IPP: variants seen among roughly 807,000 people sequenced by gnomAD.
The protein encoded by IPP is intracisternal A particle-promoted polypeptide, also known as actin-binding protein IPP.
Under a neutral mutation model 64.1 loss-of-function variants are expected in IPP, and 41 were observed. The ratio of observed to expected loss-of-function variants is 0.64; its 90% confidence interval spans 0.50 to 0.83. IPP has a LOEUF of 0.83. Ranked by LOEUF, IPP falls within the 40% of genes least tolerant of loss-of-function variation. IPP has a pLI of 0.00. For synonymous variants in IPP, 214 were observed against 235.2 expected (o/e 0.91, Z 0.83); for missense variants, 649 against 703.0 (o/e 0.92, Z 0.87).
At chr1:45,749,525 G>GTTTT (rs779346516) in intron 1 of IPP, among the ~76,000 whole-genome samples, 41 of 107,062 alleles carry the variant, frequency 3.8e-4, no homozygotes, top group South Asian at 3.5e-4. Context: ...TTTGTTTTTT[G>GTTTT]TTTTTTTTTT....
At chr1:45,724,591 C>A (rs1345032186) in intron 5 of IPP, among the ~76,000 whole-genome samples, 4 of 150,036 alleles carry the variant, frequency 2.7e-5, no homozygotes, top group African/African-American at 7.4e-5. Context: ...TCTGCCCGGC[C>A]GCCCATCGTC....
chr1:45,725,916 T>A (rs1161569100), intron 5 of IPP, among the ~76,000 whole-genome samples: 2 of 132,942 alleles, frequency 1.5e-5, no homozygotes, highest in East Asian at 4.2e-4. Context: ...TCATCACCAC[T>A]CCCTAATCTC....
At chr1:45,746,579 AC>A in intron 1 of IPP, 118 bp from the exon 2 acceptor site, 2 of 565,308 alleles carry the variant, frequency 3.5e-6, no homozygotes, top group Non-Finnish European at 3.1e-6. Context: ...ACAAATAAGG[AC>A]TAAAGTGTGG....
chr1:45,745,234 C>T (rs1387554965), intron 2 of IPP, among the ~76,000 whole-genome samples: 2 of 152,030 alleles, frequency 1.3e-5, no homozygotes, highest in African/African-American at 4.8e-5. Context: ...TCTTCAAAAA[C>T]ATTTAAGAGA....
intron 8 of IPP, among the ~76,000 whole-genome samples, chr1:45,702,207 G>C (rs918855308): frequency 4.6e-5 from 7 of 151,536 alleles, no homozygotes; most frequent in Non-Finnish European, 7.4e-5. Context: ...TTCTACCAGT[G>C]TATTAGAACT....
rs1465611483 is a variant in IPP, at chr1:45,741,203, C to G, written c.422G>C (p.Gly141Ala). Reference sequence around the variant, plus strand: ...AATTTGCTCAGAGAACTGAAAAATTCCAATGCAGTTCAGTGGATCAATTTG... The same window carrying G: ...AATTTGCTCAGAGAACTGAAAAATTGCAATGCAGTTCAGTGGATCAATTTG... ...KGQIDPLNCI[G>A]IFQFSEQIAC... The change falls in exon 3 of 9, where the codon GGA (glycine) becomes GCA (alanine). Residue 141 changes from glycine to alanine, a missense_variant. Physicochemically the swap from Gly to Ala is moderately conservative, Grantham distance 60. Coordinates refer to ENST00000396478, the MANE Select transcript of IPP (RefSeq NM_005897.3). The G allele has an allele frequency of 1.9e-6, 3 of 1,614,020 alleles. No homozygotes were observed. The highest frequency in any genetic ancestry group is 3.3e-5 in the Admixed American group (2 of 60,004).
rs2148585778 is a variant in IPP at position 45,746,171 on chromosome 1, G to A, written c.241C>T (p.Leu81=). The A allele has an allele frequency of 2.5e-6, 4 of 1,613,992 alleles. 1 individual carries two copies. The highest frequency in any genetic ancestry group is 3.3e-4 in the Middle Eastern group (2 of 6,062). ...KESSKDVVPI[L]GIEAGIFQIL... ...TGAAAGATTCCTGCTTCAATTCCTAGAATCGGTACAACATCTTTTGAGGAC... is the reference window on the plus strand; with the variant it reads ...TGAAAGATTCCTGCTTCAATTCCTAAAATCGGTACAACATCTTTTGAGGAC... Residue 81 remains leucine (L), a synonymous_variant, in exon 2 of 9, where the codon CTA becomes TTA. Coordinates refer to ENST00000396478, the MANE Select transcript of IPP (RefSeq NM_005897.3).
chr1:45,709,611 G>A (rs536924805), intron 8 of IPP, among the ~76,000 whole-genome samples: 1 of 149,436 alleles, frequency 6.7e-6, no homozygotes, highest in Non-Finnish European at 1.5e-5. Context: ...TTGGGAGGCT[G>A]AGGAGGGCAG....
chr1:45,716,651 T>C (rs1645663246), intron 7 of IPP, among the ~76,000 whole-genome samples: 1 of 152,246 alleles, frequency 6.6e-6, no homozygotes, highest in Non-Finnish European at 1.5e-5. Flanking sequence ...GCTAGTCAGA[T>C]ATTCCTGCTT....
intron 2 of IPP, among the ~76,000 whole-genome samples, chr1:45,745,701 T>TAAAAAA (rs756055700): frequency 2.1e-5 from 3 of 139,538 alleles, no homozygotes; most frequent in Non-Finnish European, 4.7e-5. Flanking sequence ...TACTAAAAAT[T>TAAAAAA]AAAAAAAAAA....
intron 6 of IPP, among the ~76,000 whole-genome samples, chr1:45,718,395 A>T (rs1645688261): frequency 6.6e-6 from 1 of 152,228 alleles, no homozygotes; most frequent in Admixed American, 6.5e-5. Context: ...ATACCTGCAG[A>T]AGAATGTGTG....
At chr1:45,728,586 C>T (rs1645864563) in intron 4 of IPP, among the ~76,000 whole-genome samples, 1 of 151,918 alleles carries the variant, frequency 6.6e-6, no homozygotes, top group Non-Finnish European at 1.5e-5. Flanking sequence ...CCTCTGCCTC[C>T]TGGGCTCAAG....
chr1:45,726,831 C>T (rs1036741258), intron 5 of IPP, among the ~76,000 whole-genome samples: 5 of 148,688 alleles, frequency 3.4e-5, no homozygotes, highest in African/African-American at 1.2e-4. Flanking sequence ...TCAAATGATT[C>T]TCCTGCCTCA....
chr1:45,708,933 C>T (rs1039614424), intron 8 of IPP, among the ~76,000 whole-genome samples: 1 of 144,984 alleles, frequency 6.9e-6, no homozygotes, highest in African/African-American at 2.6e-5. Context: ...ACTTGGGAGG[C>T]TGAGGCAGGA....
At chr1:45,749,621 C>T (rs1487610012) in intron 1 of IPP, among the ~76,000 whole-genome samples, 2 of 149,962 alleles carry the variant, frequency 1.3e-5, no homozygotes, top group Non-Finnish European at 3.0e-5. Flanking sequence ...CCCGGGTTCA[C>T]GCCATTCTCC....
intron 8 of IPP, among the ~76,000 whole-genome samples, chr1:45,707,545 G>C (rs1645528083): frequency 6.6e-6 from 1 of 151,528 alleles, no homozygotes; most frequent in South Asian, 2.1e-4. Flanking sequence ...AGATCTTCTA[G>C]AGCTAAAAAA....
In IPP at chr1:45,704,241, C is replaced by CT. The variant is rs1043202416; in HGVS notation, c.1531-4052dup. Among the ~76,000 whole-genome samples the CT allele has an allele frequency of 7.6e-3, 1,087 of 142,854 alleles. 24 individuals are homozygous for CT. The highest frequency in any genetic ancestry group is 0.062 in the East Asian group (308 of 4,940). The allele number at this position is 142,854 out of a possible 152,430, so 93.7% of individuals were successfully genotyped here. A position where few individuals can be genotyped will look rare whatever the true frequency, so the allele number is the denominator to read the frequency against. ...ATATTGAGGATAATGGAAGCAAAGT[C>CT]TTTTTTTTTTTTTTGAGACAGAGCC... On this transcript the variant is annotated intron_variant, in intron 8 of 8. Transcript: ENST00000396478.
chr1:45,730,200 A>G (rs1557753834), intron 3 of IPP, among the ~76,000 whole-genome samples: 1 of 152,002 alleles, frequency 6.6e-6, no homozygotes, highest in Non-Finnish European at 1.5e-5. Flanking sequence ...AAAAATACAA[A>G]AATTAGCTGG....
At chr1:45,724,107 G>A (rs1047346112) in intron 5 of IPP, among the ~76,000 whole-genome samples, 6 of 151,244 alleles carry the variant, frequency 4.0e-5, no homozygotes, top group Non-Finnish European at 8.9e-5. Flanking sequence ...TCAGCCTGCC[G>A]AGCGCCTGCA....
Sources: allele counts gnomAD v4.1 joint callset (sites outside exome capture counted in the v4.1 genomes callset), GRCh38; gene constraint gnomAD v4.1.1; transcripts MANE v1.5; gene names NCBI Gene and HGNC (gene_info 2026-07-23, HGNC 2026-07-21).